Variants in UBE3C observed in about 807,000 individuals in gnomAD.
UBE3C encodes the protein ubiquitin-protein ligase E3C.
In UBE3C, 42 loss-of-function variants were observed where a neutral mutation model predicts 129.4. The ratio of observed to expected loss-of-function variants is 0.32; its 90% confidence interval spans 0.25 to 0.42. The LOEUF (loss-of-function observed/expected upper bound fraction) is 0.42, where lower values mean the gene tolerates loss of function less well. Ranked by LOEUF, UBE3C falls within the 10% of genes least tolerant of loss-of-function variation. The pLI is 1.00. For missense variants in UBE3C, 1,049 were observed against 1,319.1 expected, an observed-to-expected ratio of 0.80 and a Z score of 3.17; for synonymous variants, 510 against 492.4, an observed-to-expected ratio of 1.04 and a Z score of -0.47.
chr7:157,201,992 T>C (rs1042841319), intron 11 of UBE3C, among the ~76,000 whole-genome samples, 185 bp downstream of exon 11: 2 of 152,218 alleles, frequency 1.3e-5, no homozygotes, highest in Non-Finnish European at 2.9e-5. Flanking sequence ...AACAGTTACT[T>C]ATCTGTATAT....
At chr7:157,259,515 G>A (rs915200595) in intron 22 of UBE3C, among the ~76,000 whole-genome samples, 8 of 152,194 alleles carry the variant, frequency 5.3e-5, no homozygotes, top group African/African-American at 1.9e-4. Context: ...TGAACTGCTA[G>A]TAAATACTAT....
At chr7:157,238,534 A>G (rs6459746) in intron 18 of UBE3C, among the ~76,000 whole-genome samples, 50,971 of 152,014 alleles carry the variant, frequency 0.34, 11,604 homozygotes, top group African/African-American at 0.64. Context: ...GGGTTCTGTT[A>G]TGAGAACTAG....
intron 13 of UBE3C, among the ~76,000 whole-genome samples, chr7:157,211,984 T>C (rs1809608727): frequency 6.6e-6 from 1 of 152,232 alleles, no homozygotes; most frequent in African/African-American, 2.4e-5. Flanking sequence ...AAAACGGTTG[T>C]TTTCCAACGA....
At chr7:157,233,254 A>G (rs183275483) in intron 18 of UBE3C, among the ~76,000 whole-genome samples, 105 of 152,278 alleles carry the variant, frequency 6.9e-4, no homozygotes, top group African/African-American at 2.2e-3. Context: ...TTGAAGGGCC[A>G]AATCTTATTT....
intron 13 of UBE3C, among the ~76,000 whole-genome samples, chr7:157,216,218 C>T (rs1415378078): frequency 6.6e-6 from 1 of 152,054 alleles, no homozygotes; most frequent in Non-Finnish European, 1.5e-5. Flanking sequence ...TGCTTTTTTC[C>T]CCTAGTGCCG....
At chr7:157,142,609 T>C (rs1563024860) in intron 1 of UBE3C, among the ~76,000 whole-genome samples, 1 of 152,054 alleles carries the variant, frequency 6.6e-6, no homozygotes, top group Non-Finnish European at 1.5e-5. Flanking sequence ...TGGATTACAT[T>C]GATTCAAAGT....
chr7:157,192,533 G>A lies in UBE3C; in HGVS notation c.1331+5512G>A, dbSNP rs7811640. 1,565 of 763,672 alleles carry A rather than the reference G, an allele frequency of 2.0e-3. 17 individuals carry two copies. In the African/African-American group the frequency reaches 0.024, roughly 12 times the overall value. 47.3% of individuals were successfully genotyped at this position (763,672 alleles called of 1,614,324 possible). A position where few individuals can be genotyped will look rare whatever the true frequency, so the allele number is the denominator to read the frequency against. ...CAAGCAACTGGAAGATGGATGTACT[G>A]TCTGACTACAACATTCAAAAGGAGC... On this transcript the variant is annotated intron_variant, in intron 10 of 22. Coordinates refer to ENST00000348165, the MANE Select transcript of UBE3C (RefSeq NM_014671.3).
At chr7:157,191,584 C>T (rs1457609707) in intron 10 of UBE3C, among the ~76,000 whole-genome samples, 5 of 152,236 alleles carry the variant, frequency 3.3e-5, no homozygotes, top group African/African-American at 1.2e-4. Flanking sequence ...AGGTGCAAGT[C>T]ACTGCGCCCA....
chr7:157,237,147 A>C (rs1278359034), intron 18 of UBE3C, among the ~76,000 whole-genome samples: 1 of 152,162 alleles, frequency 6.6e-6, no homozygotes, highest in Non-Finnish European at 1.5e-5. Flanking sequence ...GCTGCACCTA[A>C]ATAAGATTTC....
intron 14 of UBE3C, among the ~76,000 whole-genome samples, chr7:157,217,798 T>C (rs952415790): frequency 4.0e-5 from 6 of 151,518 alleles, no homozygotes; most frequent in African/African-American, 1.5e-4. Flanking sequence ...GACTGTGCCA[T>C]TGCACTCCAG....
At chr7:157,229,493 A>G (rs1467971403) in intron 17 of UBE3C, among the ~76,000 whole-genome samples, 7 of 151,324 alleles carry the variant, frequency 4.6e-5, no homozygotes, top group East Asian at 1.9e-4. Flanking sequence ...TTTTTTTTGT[A>G]TTTAGTAGAG....
At chr7:157,229,099 C>T (rs552265485) in intron 17 of UBE3C, among the ~76,000 whole-genome samples, 8 of 152,300 alleles carry the variant, frequency 5.3e-5, no homozygotes, top group East Asian at 1.9e-4. Context: ...ATGTACACTA[C>T]GTGCGGTTGC....
At chr7:157,218,953 G>T (rs1795660852) in intron 14 of UBE3C, among the ~76,000 whole-genome samples, 1 of 152,174 alleles carries the variant, frequency 6.6e-6, no homozygotes, top group Non-Finnish European at 1.5e-5. Context: ...AAAAAAAGAA[G>T]TACTCAAGCA....
intron 18 of UBE3C, among the ~76,000 whole-genome samples, chr7:157,244,478 CAGTT>C (rs539211197): frequency 2.5e-4 from 38 of 152,238 alleles, no homozygotes; most frequent in Admixed American, 5.9e-4. Context: ...TCTGCTTGCT[CAGTT>C]AGGATGGCTT....
chr7:157,153,262 G>A (rs760439973), intron 1 of UBE3C, among the ~76,000 whole-genome samples: 6 of 152,072 alleles, frequency 3.9e-5, no homozygotes, highest in Non-Finnish European at 5.9e-5. Flanking sequence ...GTGAGCAGAC[G>A]CTAGATTGTT....
At position 157,208,318 on chromosome 7, in the gene UBE3C, C is replaced by T. The variant is rs566220160; in HGVS notation, c.1809+383C>T. ...CTCAAATTCCTGGCCTCATGGATTC[C>T]TCCTGCTTCTGCCTCCCATAGTGCT... On this transcript the variant is annotated intron_variant, in intron 13 of 22. Coordinates refer to ENST00000348165, the MANE Select transcript of UBE3C (RefSeq NM_014671.3). Among the ~76,000 whole-genome samples, 20 of 152,078 alleles carry T rather than the reference C, an allele frequency of 1.3e-4. 1 individual carries two copies. The highest frequency in any genetic ancestry group is 1.2e-3 in the Admixed American group (19 of 15,278).
intron 11 of UBE3C, among the ~76,000 whole-genome samples, chr7:157,202,057 A>G (rs1014176720): frequency 1.3e-5 from 2 of 152,172 alleles, no homozygotes; most frequent in Admixed American, 6.5e-5. Context: ...CATCCTAGCC[A>G]TGTTTTTAAA....
At chr7:157,248,259 A>G in intron 18 of UBE3C, 109 bp from the exon 19 acceptor site, 4 of 1,010,754 alleles carry the variant, frequency 4.0e-6, no homozygotes, top group Non-Finnish European at 5.9e-6. Flanking sequence ...ATGAGGAGAA[A>G]ATACCTGCTC....
chr7:157,248,425 T>C lies in UBE3C; in HGVS notation c.2539T>C (p.Leu847=). 1 of 1,613,622 alleles carries C rather than the reference T, an allele frequency of 6.2e-7. No homozygotes were observed. ...CTTTGCAGGCTTCTTTCTTTCCAAG[T>C]TGCTTGGAACCAGTGCCGACGTGGA... ...LPFAGFFLSK[L]LGTSADVDIH... is the part of the protein sequence containing the mutation. Residue 847 remains leucine (L), a synonymous_variant, in exon 19 of 23, where the codon TTG becomes CTG. Coordinates refer to ENST00000348165, the MANE Select transcript of UBE3C (RefSeq NM_014671.3).
Sources: gnomAD v4.1 joint callset for allele counts (sites outside exome capture counted in the v4.1 genomes callset) on GRCh38, gnomAD v4.1.1 for gene constraint, MANE v1.5 for transcripts, NCBI Gene and HGNC (gene_info 2026-07-23, HGNC 2026-07-21) for gene names.